Variants in FHIT observed in about 807,000 individuals in gnomAD.
FHIT encodes fragile histidine triad diadenosine triphosphatase, also known as bis(5'-adenosyl)-triphosphatase.
FHIT carries 19 observed loss-of-function variants against 17.9 expected under a neutral mutation model. The observed-to-expected ratio is 1.06, with a 90% CI of 0.74 to 1.56. The LOEUF (loss-of-function observed/expected upper bound fraction) is 1.56, where lower values mean the gene tolerates loss of function less well. Among genes scored for constraint, FHIT ranks in the 40% most tolerant of loss-of-function variants. The pLI is 0.00. For synonymous variants in FHIT, 81 were observed against 69.7 expected (o/e 1.16, Z -0.81); for missense variants, 248 against 189.2 (o/e 1.31, Z -1.82).
At chr3:60,004,581 A>G (rs931331118) in intron 7 of FHIT, among the ~76,000 whole-genome samples, 8 of 152,188 alleles carry the variant, frequency 5.3e-5, no homozygotes, top group Admixed American at 5.2e-4. Flanking sequence ...GGTAAGGGTG[A>G]CAAAATATTT....
intron 5 of FHIT, among the ~76,000 whole-genome samples, chr3:60,213,116 C>T (rs543308719): frequency 1.3e-5 from 2 of 152,240 alleles, no homozygotes; most frequent in African/African-American, 4.8e-5. Flanking sequence ...GACAAGAACA[C>T]AAATCAAACT....
At chr3:60,378,428 A>C (rs1434678226) in intron 5 of FHIT, among the ~76,000 whole-genome samples, 1 of 152,200 alleles carries the variant, frequency 6.6e-6, no homozygotes, top group East Asian at 1.9e-4. Flanking sequence ...TTGCAGATAG[A>C]GCTTACAAAC....
At chr3:60,179,735 A>C (rs144424359) in intron 5 of FHIT, among the ~76,000 whole-genome samples, 1 of 152,316 alleles carries the variant, frequency 6.6e-6, no homozygotes, top group East Asian at 1.9e-4. Context: ...AGGTCATGAA[A>C]ACAGGCATCT....
At chr3:61,220,838 T>A (rs1206708399) in intron 1 of FHIT, among the ~76,000 whole-genome samples, 1 of 152,202 alleles carries the variant, frequency 6.6e-6, no homozygotes. Context: ...TTGTACCCCA[T>A]GCTTTCACAA....
chr3:60,889,030 G>A (rs186662720), intron 3 of FHIT, among the ~76,000 whole-genome samples: 13 of 151,774 alleles, frequency 8.6e-5, no homozygotes, highest in East Asian at 7.8e-4. Context: ...AACCTTTTTC[G>A]ATTACCTACT....
intron 4 of FHIT, chr3:60,617,073 G>C (rs1324086306): frequency 1.8e-5 from 4 of 217,656 alleles, no homozygotes; most frequent in African/African-American, 4.6e-5. Flanking sequence ...CGACAGCCTG[G>C]AGTTTTTAAC....
intron 3 of FHIT, among the ~76,000 whole-genome samples, chr3:60,941,961 C>A (rs782330504): frequency 9.2e-5 from 14 of 152,142 alleles, no homozygotes; most frequent in Non-Finnish European, 1.5e-4. Flanking sequence ...TCCTATACTG[C>A]ACTTACCAAA....
chr3:61,131,631 G>A (rs917375998), intron 2 of FHIT, among the ~76,000 whole-genome samples: 1 of 152,220 alleles, frequency 6.6e-6, no homozygotes, highest in African/African-American at 2.4e-5. Context: ...TTGGCCCCAG[G>A]CCACTGCCAT....
At chr3:59,774,117 C>G (rs527431877) in intron 8 of FHIT, among the ~76,000 whole-genome samples, 3 of 152,150 alleles carry the variant, frequency 2.0e-5, no homozygotes, top group East Asian at 3.9e-4. Flanking sequence ...GCGTGAGATG[C>G]GCTGGTTTGG....
At chr3:60,921,060 G>A (rs1026803475) in intron 3 of FHIT, among the ~76,000 whole-genome samples, 10 of 152,140 alleles carry the variant, frequency 6.6e-5, no homozygotes, top group East Asian at 1.9e-4. Context: ...TGCATACACC[G>A]GAACTGTGCA....
intron 5 of FHIT, among the ~76,000 whole-genome samples, chr3:60,243,192 A>T (rs1705223396): frequency 1.3e-5 from 2 of 152,182 alleles, no homozygotes; most frequent in Non-Finnish European, 2.9e-5. Context: ...AAGCAGCTTC[A>T]TTTTGCTCAC....
intron 5 of FHIT, among the ~76,000 whole-genome samples, chr3:60,328,319 T>A (rs1559824095): frequency 1.3e-5 from 2 of 152,184 alleles, no homozygotes; most frequent in Non-Finnish European, 2.9e-5. Context: ...CATACTGCTA[T>A]GAAGAAACAC....
intron 3 of FHIT, among the ~76,000 whole-genome samples, chr3:61,000,996 GCAGAAAATATGAAGAGA>G (rs2031042293): frequency 6.6e-6 from 1 of 151,612 alleles, no homozygotes; most frequent in Non-Finnish European, 1.5e-5. Flanking sequence ...TAGAAAATGG[GCAGAAAATATGAAGAGA>G]CAGCTCACCA....
intron 5 of FHIT, among the ~76,000 whole-genome samples, chr3:60,486,572 T>C (rs1006446367): frequency 6.6e-6 from 1 of 152,154 alleles, no homozygotes; most frequent in Non-Finnish European, 1.5e-5. Context: ...CTTTCACTGA[T>C]AGCTAAAGAT....
At chr3:60,493,539 A>G (rs1245524392) in intron 5 of FHIT, among the ~76,000 whole-genome samples, 3 of 152,212 alleles carry the variant, frequency 2.0e-5, no homozygotes, top group Non-Finnish European at 4.4e-5. Context: ...ATTTTAAAGA[A>G]GTGTGCTTAC....
chr3:60,355,572 T>C (rs1157298580), intron 5 of FHIT, among the ~76,000 whole-genome samples: 3 of 151,804 alleles, frequency 2.0e-5, no homozygotes, highest in South Asian at 4.2e-4. Context: ...AAATGAAAAA[T>C]TGCTATTAAA....
intron 3 of FHIT, among the ~76,000 whole-genome samples, chr3:60,913,929 G>C (rs1370818876): frequency 7.9e-5 from 12 of 152,188 alleles, no homozygotes; most frequent in African/African-American, 2.9e-4. Flanking sequence ...CCATCTTAAA[G>C]TCTAAATCTG....
chr3:60,621,423 A>G (rs1576987051), intron 4 of FHIT, among the ~76,000 whole-genome samples: 1 of 152,198 alleles, frequency 6.6e-6, no homozygotes, highest in Non-Finnish European at 1.5e-5. Flanking sequence ...TGCTGGGATT[A>G]CAGCCACTAG....
At chr3:60,540,186 T>G (rs1438328998) in intron 4 of FHIT, among the ~76,000 whole-genome samples, 1 of 152,258 alleles carries the variant, frequency 6.6e-6, no homozygotes, top group Admixed American at 6.5e-5. Context: ...CACGCAGAAG[T>G]TCCTGAAGGA....
Sources: allele counts gnomAD v4.1 joint callset (sites outside exome capture counted in the v4.1 genomes callset), GRCh38; gene constraint gnomAD v4.1.1; transcripts MANE v1.5; gene names NCBI Gene and HGNC (gene_info 2026-07-23, HGNC 2026-07-21).